HMGXB3: variants seen among roughly 807,000 people sequenced by gnomAD.
HMGXB3 encodes the protein HMG-box containing 3.
In HMGXB3, 45 loss-of-function variants were observed where a neutral mutation model predicts 121.5. The observed-to-expected ratio is 0.37, with a 90% CI of 0.29 to 0.47. HMGXB3 has a LOEUF of 0.47. HMGXB3 is among the 20% of genes least tolerant of loss of function. HMGXB3 has a pLI of 0.99. For synonymous variants in HMGXB3, 590 were observed against 624.1 expected (o/e 0.95, Z 0.81); for missense variants, 1,376 against 1,602.2 (o/e 0.86, Z 2.41).
At chr5:150,006,399 G>A in intron 2 of HMGXB3, 74 bp from the exon 3 acceptor site, 1 of 1,315,916 alleles carries the variant, frequency 7.6e-7, no homozygotes, top group Non-Finnish European at 1.1e-6. Flanking sequence ...CGAGGGATGG[G>A]GAGTGGGAAG....
Position 150,045,423 on chromosome 5 carries a change from CTG to C in HMGXB3, c.2731-40_2731-39del, listed in dbSNP as rs1184025636. 5 of 1,464,244 alleles carry C rather than the reference CTG, an allele frequency of 3.4e-6. No homozygotes were observed. In the African/African-American group the frequency reaches 4.2e-5, roughly 12 times the overall value. 90.7% of individuals were successfully genotyped at this position (1,464,244 alleles called of 1,614,324 possible). A position where few individuals can be genotyped will look rare whatever the true frequency, so the allele number is the denominator to read the frequency against. On this transcript the variant is annotated intron_variant, in intron 15 of 19. Coordinates refer to ENST00000502717, the MANE Select transcript of HMGXB3 (RefSeq NM_014983.3). ...GGTAGGCTGTTGTGTTGCTGATGTT[CTG>C]TGACTCCCACAGTTTGACCTTCTTT...
rs888336958 is a variant in HMGXB3, at chr5:150,001,127, C to T, written c.-55C>T. ...GCCAGCCATCCCCCTCGTCCAGCCG[C>T]CGGGCCAAGCGCCTCCGGGAATGTG... On this transcript the variant is annotated 5_prime_UTR_variant, in exon 1 of 20. Transcript: ENST00000502717. The T allele has an allele frequency of 6.5e-6, 1 of 153,998 alleles. No homozygotes were observed. The highest frequency in any genetic ancestry group is 2.4e-5 in the African/African-American group (1 of 41,526). 9.5% of individuals were successfully genotyped at this position (153,998 alleles called of 1,614,324 possible).
intron 11 of HMGXB3, among the ~76,000 whole-genome samples, chr5:150,033,433 C>T (rs1756427471): frequency 6.6e-6 from 1 of 152,120 alleles, no homozygotes; most frequent in Non-Finnish European, 1.5e-5. Context: ...TTAAGTCTCT[C>T]CCACTAGACT....
chr5:150,024,608 G>A lies in HMGXB3; in HGVS notation c.1388G>A (p.Gly463Glu). 5.2e-6 allele frequency: 8 copies of A among 1,551,768 alleles called. No homozygotes were observed. The highest frequency in any genetic ancestry group is 7.0e-6 in the Non-Finnish European group (8 of 1,146,988). The change falls in exon 7 of 20, where the codon GGA (glycine) becomes GAA (glutamate). Residue 463 changes from glycine to glutamate, a missense_variant. By Grantham distance (98) the Gly-to-Glu change is moderately conservative (BLOSUM62 -2). This residue lies in a region of HMGXB3 where 1,116 missense variants were observed against 1,369.0 expected (regional missense o/e 0.82). Coordinates refer to ENST00000502717, the MANE Select transcript of HMGXB3 (RefSeq NM_014983.3). Reference protein sequence around the residue: ...TLGTTDNDSPGADVPTPSEGT... With the variant: ...TLGTTDNDSPEADVPTPSEGT... The stretch of plus-strand genomic sequence containing the variant: ...GGGACAACTGACAATGACAGTCCTG[G>A]AGCAGACGTACCAACACCATCCGAG...
At chr5:150,016,210 G>T (rs553028310) in intron 5 of HMGXB3, among the ~76,000 whole-genome samples, 2 of 152,146 alleles carry the variant, frequency 1.3e-5, no homozygotes, top group East Asian at 3.9e-4. Context: ...GGGTGTGGTG[G>T]TACACACCTA....
At chr5:150,021,882 C>T in intron 6 of HMGXB3, 6 of 511,718 alleles carry the variant, frequency 1.2e-5, no homozygotes, top group Non-Finnish European at 1.9e-5. Context: ...ATTGCCACCT[C>T]CAGCTCCATG....
At chr5:150,047,208 T>C (rs1370206476) in intron 16 of HMGXB3, among the ~76,000 whole-genome samples, 1 of 152,110 alleles carries the variant, frequency 6.6e-6, no homozygotes, top group Non-Finnish European at 1.5e-5. Flanking sequence ...GGGATTATTT[T>C]TTTAAGGTGC....
chr5:150,010,310 C>G lies in HMGXB3; in HGVS notation c.512C>G (p.Thr171Arg). The G allele has an allele frequency of 6.4e-6, 10 of 1,551,780 alleles. No individual in the cohort carries two copies. Among genetic ancestry groups the G allele is most frequent in the Non-Finnish European group, 8.7e-6 (10 of 1,147,000 alleles). The stretch of plus-strand genomic sequence containing the variant: ...CTTGTGTCCAACACTGCCCCGGAGA[C>G]AGTGCCCAGCCATGCAGGCATGGCA... ...PPLVSNTAPE[T>R]VPSHAGMAEQ... is the part of the protein sequence containing the mutation. Residue 171 changes from threonine to arginine, a missense_variant, in exon 4 of 20, where the codon ACA becomes AGA. By Grantham distance (71) the Thr-to-Arg change is moderately conservative. Around this residue, in one of 2 missense-constraint regions of HMGXB3, gnomAD observed 1,116 missense variants for 1,369.0 expected, o/e 0.82. Coordinates refer to ENST00000502717, the MANE Select transcript of HMGXB3 (RefSeq NM_014983.3).
chr5:150,005,575 G>A (rs1317234649), intron 2 of HMGXB3, among the ~76,000 whole-genome samples: 1 of 131,062 alleles, frequency 7.6e-6, no homozygotes, highest in African/African-American at 3.0e-5. Context: ...CTACAGCTTG[G>A]CCAACAAGAA....
intron 15 of HMGXB3, among the ~76,000 whole-genome samples, chr5:150,044,102 C>T (rs993596597): frequency 2.0e-5 from 3 of 152,224 alleles, no homozygotes; most frequent in African/African-American, 7.2e-5. Context: ...TGTCTCTTTC[C>T]TTCAGTGGTA....
chr5:150,032,321 G>A (rs1364166225), intron 10 of HMGXB3, 133 bp from the exon 11 acceptor site: 6 of 838,122 alleles, frequency 7.2e-6, no homozygotes, highest in African/African-American at 5.2e-5. Flanking sequence ...TAAGGCTCTT[G>A]AAGTTAGGCT....
chr5:150,019,685 G>A (rs1756043760), intron 6 of HMGXB3, among the ~76,000 whole-genome samples: 1 of 152,182 alleles, frequency 6.6e-6, no homozygotes, highest in African/African-American at 2.4e-5. Context: ...ATTTGGGTGG[G>A]TAGAAAAGGA....
chr5:150,007,762 TC>T (rs1241647709), intron 3 of HMGXB3, among the ~76,000 whole-genome samples: 2 of 152,110 alleles, frequency 1.3e-5, no homozygotes, highest in African/African-American at 4.8e-5. Context: ...TATAATAAAA[TC>T]AGCTGTCTAG....
chr5:150,027,426 T>G (rs766277130), intron 9 of HMGXB3, among the ~76,000 whole-genome samples: 1 of 152,238 alleles, frequency 6.6e-6, no homozygotes, highest in Non-Finnish European at 1.5e-5. Context: ...CCCATTTTGC[T>G]TTATCTTTTA....
At chr5:150,009,438 C>T (rs1478859001) in intron 3 of HMGXB3, among the ~76,000 whole-genome samples, 1 of 151,952 alleles carries the variant, frequency 6.6e-6, no homozygotes, top group Non-Finnish European at 1.5e-5. Flanking sequence ...CATTTTTTTC[C>T]GTAGTATATT....
At chr5:150,047,022 CTA>C (rs1756773113) in intron 16 of HMGXB3, among the ~76,000 whole-genome samples, 1 of 151,262 alleles carries the variant, frequency 6.6e-6, no homozygotes, top group Admixed American at 6.6e-5. Flanking sequence ...GTTGCTGAGA[CTA>C]TAGGCGCACG....
At chr5:150,047,979 G>A (rs973196403) in intron 17 of HMGXB3, among the ~76,000 whole-genome samples, 1 of 152,212 alleles carries the variant, frequency 6.6e-6, no homozygotes, top group African/African-American at 2.4e-5. Flanking sequence ...TAGGCTCTGG[G>A]GTCAGGAATC....
intron 15 of HMGXB3, among the ~76,000 whole-genome samples, chr5:150,043,225 A>G (rs1048567482): frequency 6.6e-6 from 1 of 152,228 alleles, no homozygotes; most frequent in African/African-American, 2.4e-5. Flanking sequence ...ACAGTAGGAA[A>G]TCTTCCTTAA....
chr5:150,001,580 CAG>C (rs1405203626), intron 1 of HMGXB3, among the ~76,000 whole-genome samples: 3 of 152,152 alleles, frequency 2.0e-5, no homozygotes, highest in Admixed American at 6.5e-5. Context: ...TGCTTAAGGT[CAG>C]AGGTCCCCGT....
Sources: gnomAD v4.1 joint callset for allele counts (sites outside exome capture counted in the v4.1 genomes callset) on GRCh38, gnomAD v4.1.1 for gene constraint, gnomAD v4.1.1 regional missense constraint, MANE v1.5 for transcripts, NCBI Gene and HGNC (gene_info 2026-07-23, HGNC 2026-07-21) for gene names.